Variants in KIAA1671 observed in about 807,000 individuals in gnomAD.
The protein encoded by KIAA1671 is uncharacterized protein KIAA1671.
A neutral mutation model predicts 131.2 loss-of-function variants in KIAA1671; 52 were observed. The ratio of observed to expected loss-of-function variants is 0.40; its 90% CI spans 0.32 to 0.50. The LOEUF (loss-of-function observed/expected upper bound fraction) is 0.50. Ranked by LOEUF, KIAA1671 falls within the 20% of genes least tolerant of loss-of-function variation. KIAA1671 has a pLI of 0.73. For missense variants in KIAA1671, 2,360 were observed against 2,364.2 expected (o/e 1.00, Z 0.04); for synonymous variants, 1,003 against 961.6 (o/e 1.04, Z -0.80).
chr22:25,037,434 A>G (rs934653672), intron 4 of KIAA1671, among the ~76,000 whole-genome samples: 1 of 152,152 alleles, frequency 6.6e-6, no homozygotes. Flanking sequence ...GTGTGTATAT[A>G]TTTCAACAAA....
intron 11 of KIAA1671, among the ~76,000 whole-genome samples, chr22:25,188,447 G>GGGGTGTGTGT (rs1347509182): frequency 2.2e-5 from 3 of 137,890 alleles, no homozygotes; most frequent in Non-Finnish European, 4.7e-5. Flanking sequence ...GAGCCAATCG[G>GGGGTGTGTGT]GTGTGTGTGT....
At chr22:25,018,082 T>G (rs1158849220) in intron 1 of KIAA1671, among the ~76,000 whole-genome samples, 1 of 151,606 alleles carries the variant, frequency 6.6e-6, no homozygotes, top group Non-Finnish European at 1.5e-5. Flanking sequence ...TTGCGATACC[T>G]TCTCTTCTAG....
chr22:25,009,206 G>A (rs928100963), intron 1 of KIAA1671, among the ~76,000 whole-genome samples: 4 of 150,894 alleles, frequency 2.7e-5, no homozygotes, highest in Non-Finnish European at 5.9e-5. Context: ...CCTGGCTTAA[G>A]GGGATGTTGT....
chr22:25,151,550 G>C (rs1382111594), intron 6 of KIAA1671, among the ~76,000 whole-genome samples: 2 of 150,582 alleles, frequency 1.3e-5, no homozygotes, highest in African/African-American at 4.9e-5. Flanking sequence ...TCATGCCGCA[G>C]CCTCTCCAGT....
intron 6 of KIAA1671, among the ~76,000 whole-genome samples, chr22:25,101,908 C>T (rs771890593): frequency 6.6e-6 from 1 of 152,148 alleles, no homozygotes; most frequent in African/African-American, 2.4e-5. Context: ...CTGTGTGATT[C>T]GGTAGGGGTT....
At position 25,110,879 on chromosome 22, in the gene KIAA1671, G is replaced by A. The variant is rs373100758; in HGVS notation, c.4531-59941G>A. The stretch of plus-strand genomic sequence containing the variant: ...CAGGACAGGGCAGATGCTGTGCCCC[G>A]GGTTGCCATGGCAACTCCGCCTGTA... On this transcript the variant is annotated intron_variant, in intron 6 of 12. Coordinates refer to ENST00000358431, the MANE Select transcript of KIAA1671 (RefSeq NM_001145206.2). 5.9e-5 allele frequency: 9 copies of A among 152,338 alleles called. No individual in the cohort carries two copies. The East Asian group carries it at 1.2e-3, about 20-fold the overall frequency. 9.4% of individuals were successfully genotyped at this position (152,338 alleles called of 1,614,324 possible).
In KIAA1671 at chr22:25,188,132, C is replaced by G. The variant is rs961811768; in HGVS notation, c.5343-2570C>G. Among the ~76,000 whole-genome samples the G allele has an allele frequency of 7.2e-5, 11 of 152,284 alleles. No homozygotes were observed. In the East Asian group the frequency reaches 1.9e-3, roughly 27 times the overall value. ...TGGCTAACGCAGTGAAACCCCATCTCTACTAAAAATACAAAAAAATTAGCC... is the reference window on the plus strand; with the variant it reads ...TGGCTAACGCAGTGAAACCCCATCTGTACTAAAAATACAAAAAAATTAGCC... On this transcript the variant is annotated intron_variant, in intron 11 of 12. Coordinates refer to ENST00000358431, the MANE Select transcript of KIAA1671 (RefSeq NM_001145206.2).
intron 1 of KIAA1671, among the ~76,000 whole-genome samples, chr22:24,970,923 A>G (rs1922581465): frequency 6.6e-6 from 1 of 152,074 alleles, no homozygotes; most frequent in Admixed American, 6.5e-5. Context: ...ATCTCACTCA[A>G]TCATCGTAAT....
At chr22:24,983,775 T>A (rs1923359357) in intron 1 of KIAA1671, among the ~76,000 whole-genome samples, 1 of 113,034 alleles carries the variant, frequency 8.8e-6, no homozygotes, top group South Asian at 2.5e-4. Flanking sequence ...GTGTTTGGAA[T>A]TTTTTTTTTT....
chr22:25,016,294 C>T (rs1036771388), intron 1 of KIAA1671, among the ~76,000 whole-genome samples: 2 of 152,156 alleles, frequency 1.3e-5, no homozygotes, highest in Admixed American at 6.5e-5. Context: ...GCTGGGATTA[C>T]AGGCGTGAGC....
At chr22:25,131,988 G>T (rs1932462446) in intron 6 of KIAA1671, among the ~76,000 whole-genome samples, 1 of 152,246 alleles carries the variant, frequency 6.6e-6, no homozygotes, top group African/African-American at 2.4e-5. Context: ...CATTGTTGTT[G>T]TGATTATGGT....
intron 11 of KIAA1671, 65 bp downstream of exon 11, chr22:25,185,184 G>A (rs899168697): frequency 3.1e-5 from 44 of 1,440,536 alleles, no homozygotes; most frequent in Admixed American, 5.4e-5. Flanking sequence ...CTAGAGAGGT[G>A]CTCGCATAGG....
intron 6 of KIAA1671, among the ~76,000 whole-genome samples, chr22:25,160,504 T>A (rs1022193372): frequency 2.0e-5 from 3 of 152,196 alleles, no homozygotes; most frequent in African/African-American, 7.2e-5. Context: ...TCTATCTGCC[T>A]CTGACTGCCT....
chr22:25,004,898 A>G (rs1205280777), intron 1 of KIAA1671, among the ~76,000 whole-genome samples: 2 of 151,628 alleles, frequency 1.3e-5, no homozygotes, highest in African/African-American at 2.4e-5. Context: ...GTGAGCTGAG[A>G]TGGCACCTCT....
At chr22:25,068,786 C>CTGGT (rs1178096759) in intron 6 of KIAA1671, among the ~76,000 whole-genome samples, 11 of 152,190 alleles carry the variant, frequency 7.2e-5, no homozygotes, top group Non-Finnish European at 1.6e-4. Context: ...TGCCTGGTGT[C>CTGGT]CAGTGGTGAG....
chr22:24,964,220 T>C (rs1395659668), intron 1 of KIAA1671, among the ~76,000 whole-genome samples: 2 of 151,678 alleles, frequency 1.3e-5, no homozygotes, highest in East Asian at 1.9e-4. Context: ...TCCTAGCTAC[T>C]TGGGAGGCTG....
rs377268989 is a variant in KIAA1671 at position 25,045,349 on chromosome 22, C to A, written c.4395+3824C>A. Among the ~76,000 whole-genome samples, 691 of 152,204 alleles carry A rather than the reference C, an allele frequency of 4.5e-3. 6 individuals are homozygous for A. The highest frequency in any genetic ancestry group is 0.016 in the African/African-American group (650 of 41,526). On this transcript the variant is annotated intron_variant, in intron 5 of 12. Coordinates refer to ENST00000358431, the MANE Select transcript of KIAA1671 (RefSeq NM_001145206.2). ...GAGACATATTTTGTTGTTGTCACACCCTGGGAAGAGGTTGCTATTAGCGTC... is the reference window on the plus strand; with the variant it reads ...GAGACATATTTTGTTGTTGTCACACACTGGGAAGAGGTTGCTATTAGCGTC...
chr22:25,087,257 T>TGAG (rs1929774450), intron 6 of KIAA1671, among the ~76,000 whole-genome samples: 1 of 150,914 alleles, frequency 6.6e-6, no homozygotes, highest in African/African-American at 2.4e-5. Context: ...AGAGATTTAG[T>TGAG]TTGGAATCAG....
At chr22:25,154,777 G>A (rs1933172756) in intron 6 of KIAA1671, among the ~76,000 whole-genome samples, 1 of 152,218 alleles carries the variant, frequency 6.6e-6, no homozygotes, top group African/African-American at 2.4e-5. Context: ...AACTCCAGAG[G>A]AAGAGAGACT....
Sources: allele counts gnomAD v4.1 joint callset (sites outside exome capture counted in the v4.1 genomes callset), GRCh38; gene constraint gnomAD v4.1.1; transcripts MANE v1.5; gene names NCBI Gene and HGNC (gene_info 2026-07-23, HGNC 2026-07-21).